SCFD2: variants seen among roughly 807,000 people sequenced by gnomAD.
SCFD2 encodes sec1 family domain-containing protein 2.
In SCFD2, 54 loss-of-function variants were observed where a neutral mutation model predicts 58.9. The observed-to-expected ratio is 0.92, with a 90% CI of 0.74 to 1.15. The LOEUF (loss-of-function observed/expected upper bound fraction) is 1.15. Ranked by LOEUF, SCFD2 falls within the 50% of genes most tolerant of loss-of-function variation. The pLI is 0.00. For synonymous variants in SCFD2, 321 were observed against 335.9 expected (o/e 0.96, Z 0.49); for missense variants, 805 against 836.6 (o/e 0.96, Z 0.47).
intron 5 of SCFD2, among the ~76,000 whole-genome samples, chr4:52,930,539 C>T (rs559324971): frequency 3.3e-5 from 5 of 152,136 alleles, no homozygotes; most frequent in East Asian, 1.9e-4. Context: ...GAAAAATAGA[C>T]GATCCTAGAT....
intron 5 of SCFD2, among the ~76,000 whole-genome samples, chr4:53,071,228 A>G (rs901742924): frequency 5.3e-5 from 8 of 152,140 alleles, no homozygotes; most frequent in Admixed American, 5.2e-4. Context: ...TGATTATGGA[A>G]TTATCGTACG....
intron 5 of SCFD2, among the ~76,000 whole-genome samples, chr4:52,925,294 T>TTA (rs965814847): frequency 5.3e-5 from 8 of 150,628 alleles, no homozygotes; most frequent in Non-Finnish European, 7.4e-5. Flanking sequence ...ATGTGCTATT[T>TTA]TATATATATA....
At chr4:53,225,956 A>AT (rs1452586458) in intron 4 of SCFD2, among the ~76,000 whole-genome samples, 3 of 152,044 alleles carry the variant, frequency 2.0e-5, no homozygotes, top group South Asian at 2.1e-4. Context: ...TATTTGGGGT[A>AT]TTTTTAATTT....
In SCFD2 at chr4:53,089,751, G is replaced by T. The variant is rs187794197; in HGVS notation, c.1561+55582C>A. ...TTCTTGCCAATGGATAGAGGTTAAG[G>T]CCATCTCTAGATGTCCCGTTTGTAG... On this transcript the variant is annotated intron_variant, in intron 5 of 8. Coordinates refer to ENST00000401642, the MANE Select transcript of SCFD2 (RefSeq NM_152540.4). 3.9e-5 allele frequency among the ~76,000 whole-genome samples: 6 copies of T among 152,198 alleles called. No homozygotes were observed. In the South Asian group the frequency reaches 6.2e-4, roughly 16 times the overall value.
At chr4:52,896,776 ATTC>A (rs1719027214) in intron 7 of SCFD2, among the ~76,000 whole-genome samples, 1 of 152,198 alleles carries the variant, frequency 6.6e-6, no homozygotes, top group Admixed American at 6.5e-5. Flanking sequence ...CACGATATTG[ATTC>A]TTCTTATCCA....
At chr4:53,314,596 C>T (rs1732799605) in intron 2 of SCFD2, among the ~76,000 whole-genome samples, 1 of 152,130 alleles carries the variant, frequency 6.6e-6, no homozygotes, top group African/African-American at 2.4e-5. Flanking sequence ...ACTTTTTCCT[C>T]CAATTAAAGC....
intron 5 of SCFD2, among the ~76,000 whole-genome samples, chr4:52,947,210 A>G (rs1720453882): frequency 6.6e-6 from 1 of 152,218 alleles, no homozygotes. Flanking sequence ...GATGAACTCA[A>G]GATTTGTTGA....
At chr4:53,233,318 A>C (rs1164029070) in intron 4 of SCFD2, among the ~76,000 whole-genome samples, 2 of 152,070 alleles carry the variant, frequency 1.3e-5, no homozygotes, top group Non-Finnish European at 2.9e-5. Context: ...AGGGAAGCAC[A>C]AACCACTGTT....
chr4:53,208,013 G>T, intron 4 of SCFD2, among the ~76,000 whole-genome samples: 1 of 150,316 alleles, frequency 6.7e-6, no homozygotes, highest in Admixed American at 6.6e-5. Flanking sequence ...CTGGAGTACA[G>T]TAGCAAGATT....
intron 4 of SCFD2, among the ~76,000 whole-genome samples, chr4:53,256,843 A>T (rs1730654684): frequency 7.1e-6 from 1 of 140,686 alleles, no homozygotes; most frequent in Admixed American, 7.2e-5. Flanking sequence ...TAGGCATCAG[A>T]GGGAGACCGT....
chr4:53,323,650 G>A (rs554165241), intron 2 of SCFD2, among the ~76,000 whole-genome samples: 8 of 150,968 alleles, frequency 5.3e-5, no homozygotes, highest in Admixed American at 5.3e-4. Flanking sequence ...GAAATACTGG[G>A]ATAACAGGCA....
chr4:53,214,747 T>A (rs1290374519), intron 4 of SCFD2, among the ~76,000 whole-genome samples: 1 of 152,178 alleles, frequency 6.6e-6, no homozygotes, highest in Non-Finnish European at 1.5e-5. Flanking sequence ...CCTTGAATGG[T>A]ATTGCCTAGG....
intron 5 of SCFD2, among the ~76,000 whole-genome samples, chr4:53,022,204 T>C (rs1722365999): frequency 6.6e-6 from 1 of 152,206 alleles, no homozygotes; most frequent in Non-Finnish European, 1.5e-5. Context: ...GAGATGCATG[T>C]AAAAAGGAAC....
At chr4:53,182,291 G>T (rs987168680) in intron 4 of SCFD2, among the ~76,000 whole-genome samples, 9 of 152,110 alleles carry the variant, frequency 5.9e-5, no homozygotes, top group Non-Finnish European at 1.0e-4. Context: ...CGTGGTACTG[G>T]TACCAAAACA....
intron 4 of SCFD2, among the ~76,000 whole-genome samples, chr4:53,161,676 G>A (rs569679241): frequency 6.6e-5 from 10 of 152,272 alleles, no homozygotes; most frequent in South Asian, 4.1e-4. Flanking sequence ...CAGTTGAGCC[G>A]TAAGTTGCAT....
chr4:52,880,494 G>A (rs1220100181), intron 8 of SCFD2, among the ~76,000 whole-genome samples: 2 of 151,486 alleles, frequency 1.3e-5, no homozygotes, highest in African/African-American at 2.4e-5. Flanking sequence ...GTGGGCGCCT[G>A]TAATCCTAGC....
chr4:53,365,882 T>G lies in SCFD2; in HGVS notation c.60A>C (p.Lys20Asn), dbSNP rs758603738. The G allele has an allele frequency of 6.2e-7, 1 of 1,606,074 alleles. No individual in the cohort carries two copies. Among genetic ancestry groups the G allele is most frequent in the Non-Finnish European group, 8.5e-7 (1 of 1,178,118 alleles). Residue 20 changes from lysine to asparagine, a missense_variant, in exon 1 of 9, where the codon AAA (lysine) becomes AAC (asparagine). Physicochemically the swap from Lys to Asn is moderately conservative, Grantham distance 94 (BLOSUM62 0). This residue lies in a region of SCFD2 where 155 missense variants were observed against 149.7 expected (regional missense o/e 1.04). Transcript: ENST00000401642. The surrounding 1 kb of genome is among the most constrained non-coding windows in gnomAD (Gnocchi z 4.3). ...CCAGGTAAACCACAGCCCGTTTCAC[T>G]TTGGCCAGCACCTGCTCCCATCCTT... ...TQQGWEQVLA[K>N]VKRAVVYLDA...
chr4:52,902,506 C>T (rs528260524), intron 7 of SCFD2, among the ~76,000 whole-genome samples: 27 of 152,290 alleles, frequency 1.8e-4, no homozygotes, highest in African/African-American at 6.0e-4. Flanking sequence ...ACTTATTCAC[C>T]CAACAATTAG....
At chr4:53,063,246 C>T (rs1381249031) in intron 5 of SCFD2, among the ~76,000 whole-genome samples, 1 of 152,072 alleles carries the variant, frequency 6.6e-6, no homozygotes, top group Non-Finnish European at 1.5e-5. Flanking sequence ...AAACAGTGAT[C>T]TTAGGACTTT....
Sources: allele counts gnomAD v4.1 joint callset (sites outside exome capture counted in the v4.1 genomes callset), GRCh38; gene constraint gnomAD v4.1.1; regional missense constraint gnomAD v4.1.1; non-coding constraint Gnocchi (gnomAD v3.1); transcripts MANE v1.5; gene names NCBI Gene and HGNC (gene_info 2026-07-23, HGNC 2026-07-21).